The following FRMPD4 variants were observed in gnomAD, a reference collection of about 807,000 sequenced individuals.
The protein encoded by FRMPD4 is FERM and PDZ domain containing 4.
A neutral mutation model predicts 94.1 loss-of-function variants in FRMPD4; 22 were observed. The observed-to-expected ratio is 0.23, with a 90% confidence interval of 0.17 to 0.33. The LOEUF (loss-of-function observed/expected upper bound fraction) is 0.33, where lower values mean the gene tolerates loss of function less well. Ranked by LOEUF, FRMPD4 falls within the 10% of genes least tolerant of loss-of-function variation. The pLI, the probability that FRMPD4 is intolerant of heterozygous loss-of-function variation, is 1.00. For synonymous variants in FRMPD4, 631 were observed against 548.6 expected (o/e 1.15, Z -2.10); for missense variants, 1,111 against 1,339.9 (o/e 0.83, Z 2.67).
chrX:12,230,860 C>G (rs2056977258), intron 1 of FRMPD4, among the ~76,000 whole-genome samples: 1 of 89,972 alleles, frequency 1.1e-5, no homozygotes, highest in African/African-American at 4.1e-5. Flanking sequence ...ATTAAAAATA[C>G]ATATATATTA....
intron 1 of FRMPD4, among the ~76,000 whole-genome samples, chrX:12,497,304 A>G (rs1253072370): frequency 9.0e-6 from 1 of 111,170 alleles, no homozygotes; most frequent in Non-Finnish European, 1.9e-5. Flanking sequence ...TCATACCTGT[A>G]AGTACTTTTC....
chrX:12,149,970 G>A (rs1474589359), intron 1 of FRMPD4, among the ~76,000 whole-genome samples: 1 of 112,224 alleles, frequency 8.9e-6, no homozygotes, highest in Non-Finnish European at 1.9e-5. Flanking sequence ...ATGATCATTA[G>A]CATATTTTTA....
chrX:12,571,271 G>GT (rs1411587612), intron 2 of FRMPD4, among the ~76,000 whole-genome samples: 1 of 112,474 alleles, frequency 8.9e-6, no homozygotes, highest in Non-Finnish European at 1.9e-5. Flanking sequence ...ACATATTATG[G>GT]TATTTGCAGC....
intron 1 of FRMPD4, among the ~76,000 whole-genome samples, chrX:12,297,237 T>C (rs1340473369): frequency 8.9e-6 from 1 of 112,775 alleles, no homozygotes; most frequent in Non-Finnish European, 1.9e-5. Context: ...ATGTTTGAGA[T>C]GGCTTTTTAA....
chrX:12,211,864 A>G (rs1056158333), intron 1 of FRMPD4, among the ~76,000 whole-genome samples: 9 of 111,945 alleles, frequency 8.0e-5, no homozygotes, highest in Non-Finnish European at 1.5e-4. Context: ...AATACAATCA[A>G]TTTTCTTATT....
At chrX:12,603,171 G>C (rs1279416744) in intron 2 of FRMPD4, among the ~76,000 whole-genome samples, 1 of 112,057 alleles carries the variant, frequency 8.9e-6, no homozygotes, top group Non-Finnish European at 1.9e-5. Context: ...TACTCCATAA[G>C]TAGTTATACC....
At chrX:12,029,659 G>A (rs963972685) in intron 3 of FRMPD4, among the ~76,000 whole-genome samples, 1 of 111,711 alleles carries the variant, frequency 9.0e-6, no homozygotes, top group African/African-American at 3.3e-5. Flanking sequence ...TGTAAAGTCT[G>A]TGTCTCCATT....
At chrX:12,574,679 G>A (rs1004005576) in intron 2 of FRMPD4, among the ~76,000 whole-genome samples, 2 of 110,213 alleles carry the variant, frequency 1.8e-5, no homozygotes, top group African/African-American at 6.6e-5. Context: ...TGTAGTTTTT[G>A]TAGAGACAGA....
At position 12,693,820 on chromosome X, in the gene FRMPD4, T is replaced by C. The variant is rs984591355; in HGVS notation, c.814-515T>C. ...GGGGTGCTATCACTAACAGCCAGCA[T>C]CTGCAGATCTTCTTCCAAGGACTGC... On this transcript the variant is annotated intron_variant, in intron 8 of 16. Coordinates refer to ENST00000675598, the MANE Select transcript of FRMPD4 (RefSeq NM_001368397.1). Among the ~76,000 whole-genome samples, 2 of 112,237 alleles carry C rather than the reference T, an allele frequency of 1.8e-5. 1 individual carries two copies. Among genetic ancestry groups the C allele is most frequent in the Non-Finnish European group, 3.8e-5 (2 of 53,218 alleles).
At chrX:12,283,051 G>A (rs775982779) in intron 1 of FRMPD4, among the ~76,000 whole-genome samples, 14 of 112,978 alleles carry the variant, frequency 1.2e-4, no homozygotes, top group Non-Finnish European at 2.1e-4. Context: ...CCAATGGACA[G>A]CGCTGATCTA....
chrX:12,461,848 A>G (rs1294836399), intron 1 of FRMPD4, among the ~76,000 whole-genome samples: 1 of 111,717 alleles, frequency 9.0e-6, no homozygotes, highest in Admixed American at 9.5e-5. Flanking sequence ...TTTTGAGCAC[A>G]GGAGCCATGT....
intron 1 of FRMPD4, among the ~76,000 whole-genome samples, chrX:11,848,621 G>T (rs1217387758): frequency 9.2e-6 from 1 of 109,219 alleles, no homozygotes; most frequent in East Asian, 2.9e-4. Flanking sequence ...TGCTGTGCAT[G>T]TGCAGACTCT....
At chrX:12,318,649 G>A (rs1033485677) in intron 1 of FRMPD4, among the ~76,000 whole-genome samples, 1 of 111,885 alleles carries the variant, frequency 8.9e-6, no homozygotes, top group Non-Finnish European at 1.9e-5. Flanking sequence ...ATGAAGACGA[G>A]TTAGTTAGTG....
In FRMPD4 at chrX:12,718,187, C is replaced by T; in HGVS notation, c.3361C>T (p.Leu1121Phe). The T allele has an allele frequency of 8.3e-7, 1 of 1,211,247 alleles. No individual in the cohort carries two copies. The highest frequency in any genetic ancestry group is 1.1e-6 in the Non-Finnish European group (1 of 894,930). The change falls in exon 16 of 17, where the codon CTT becomes TTT. Residue 1121 changes from leucine (L) to phenylalanine (F), a missense_variant. Physicochemically the swap from Leu to Phe is conservative, Grantham distance 22 (BLOSUM62 0). Coordinates refer to ENST00000675598, the MANE Select transcript of FRMPD4 (RefSeq NM_001368397.1). ...GAAAACCTTTCCAAGAGCTTCTGGT[C>T]TTGGGGCAAGGGAGGCCGAAGGGAA... is the stretch of plus-strand genomic sequence containing the variant. Reference protein sequence around the residue: ...TGKTFPRASGLGAREAEGKEE... With the variant: ...TGKTFPRASGFGAREAEGKEE...
intron 1 of FRMPD4, among the ~76,000 whole-genome samples, chrX:12,267,055 G>T (rs925423788): frequency 8.9e-6 from 1 of 112,149 alleles, no homozygotes; most frequent in African/African-American, 3.2e-5. Flanking sequence ...ACAGCATATT[G>T]TACAGTGTTA....
At chrX:12,020,754 CAATT>C (rs895824258) in intron 3 of FRMPD4, among the ~76,000 whole-genome samples, 2 of 111,748 alleles carry the variant, frequency 1.8e-5, no homozygotes, top group African/African-American at 6.5e-5. Context: ...TGTAGGGTTT[CAATT>C]AATTAATCAA....
At chrX:12,198,614 T>G (rs1211936733) in intron 1 of FRMPD4, among the ~76,000 whole-genome samples, 1 of 111,900 alleles carries the variant, frequency 8.9e-6, no homozygotes, top group Non-Finnish European at 1.9e-5. Context: ...CATCTACTCA[T>G]AGATGACTTC....
At chrX:12,594,450 T>TA (rs1402999771) in intron 2 of FRMPD4, among the ~76,000 whole-genome samples, 5,706 of 110,540 alleles carry the variant, frequency 0.052, 369 homozygotes, top group African/African-American at 0.18. Flanking sequence ...TTTATTTATT[T>TA]TTTGAGATGG....
Position 12,716,916 on chromosome X carries a change from T to A in FRMPD4, c.2457T>A (p.Asp819Glu). 3.3e-6 allele frequency: 4 copies of A among 1,210,913 alleles called. No homozygotes were observed. The change falls in exon 15 of 17, where the codon GAT becomes GAA. Residue 819 changes from aspartate (D) to glutamate (E), a missense_variant. By Grantham distance (45) the Asp-to-Glu change is conservative. Coordinates refer to ENST00000675598, the MANE Select transcript of FRMPD4 (RefSeq NM_001368397.1). Reference protein sequence around the residue: ...APPPGFRDSSDEEDSQSQAAS... With the variant: ...APPPGFRDSSEEEDSQSQAAS... ...CACCTGGCTTTAGAGACAGTTCAGA[T>A]GAAGAGGACTCTCAGAGCCAGGCAG...
Sources: allele counts gnomAD v4.1 joint callset (sites outside exome capture counted in the v4.1 genomes callset), GRCh38; gene constraint gnomAD v4.1.1; transcripts MANE v1.5; gene names NCBI Gene and HGNC (gene_info 2026-07-23, HGNC 2026-07-21).